The following CNTNAP2 variants were observed in gnomAD, a reference collection of about 807,000 sequenced individuals.
CNTNAP2 encodes the protein contactin-associated protein-like 2.
A neutral mutation model predicts 155.2 loss-of-function variants in CNTNAP2; 98 were observed. The ratio of observed to expected loss-of-function variants is 0.63; its 90% CI spans 0.54 to 0.75. The LOEUF is 0.75. Ranked by LOEUF, CNTNAP2 falls within the 30% of genes least tolerant of loss-of-function variation. The probability of loss-of-function intolerance (pLI) is 0.00; values close to 1 mark genes in which losing one functional copy is unlikely to be tolerated. For synonymous variants in CNTNAP2, 651 were observed against 631.2 expected, an observed-to-expected ratio of 1.03 and a Z score of -0.47; for missense variants, 1,727 against 1,688.1, an observed-to-expected ratio of 1.02 and a Z score of -0.40.
At chr7:146,872,711 T>C (rs1468235033) in intron 3 of CNTNAP2, among the ~76,000 whole-genome samples, 7 of 152,194 alleles carry the variant, frequency 4.6e-5, no homozygotes, top group African/African-American at 1.7e-4. Context: ...TAGGAGATAA[T>C]AGCTAGAAGG....
intron 1 of CNTNAP2, among the ~76,000 whole-genome samples, chr7:146,279,928 T>TATATACA (rs1360911556): frequency 4.6e-5 from 7 of 151,598 alleles, no homozygotes; most frequent in African/African-American, 1.7e-4. Flanking sequence ...TACTAATAAG[T>TATATACA]GAAAGGAACT....
chr7:146,963,458 T>C (rs2129231043), intron 3 of CNTNAP2, among the ~76,000 whole-genome samples: 1 of 152,326 alleles, frequency 6.6e-6, no homozygotes, highest in African/African-American at 2.4e-5. Flanking sequence ...AAATGTGTTT[T>C]CATATTGTGC....
chr7:147,943,296 G>A (rs1003417815), intron 14 of CNTNAP2, among the ~76,000 whole-genome samples: 9 of 152,056 alleles, frequency 5.9e-5, no homozygotes, highest in Admixed American at 5.9e-4. Context: ...CGGCATTTTT[G>A]TGTAAAGTTT....
At chr7:146,330,008 C>CTTTT (rs1294271211) in intron 1 of CNTNAP2, among the ~76,000 whole-genome samples, 10 of 103,252 alleles carry the variant, frequency 9.7e-5, no homozygotes, top group African/African-American at 4.1e-4. Context: ...TCAACAAGTA[C>CTTTT]TTTCTTTTTT....
At chr7:147,853,385 A>G (rs567104545) in intron 13 of CNTNAP2, among the ~76,000 whole-genome samples, 13 of 152,320 alleles carry the variant, frequency 8.5e-5, no homozygotes, top group Admixed American at 3.9e-4. Context: ...ACCCATTTGT[A>G]CATTAGTAGA....
At chr7:146,549,767 A>G (rs115548664) in intron 1 of CNTNAP2, among the ~76,000 whole-genome samples, 3,265 of 152,154 alleles carry the variant, frequency 0.021, 137 homozygotes, top group African/African-American at 0.073. Flanking sequence ...AGAAAGAGTA[A>G]AAGATTGAAA....
Position 146,696,662 on chromosome 7 carries a change from C to G in CNTNAP2, c.98-77609C>G, listed in dbSNP as rs1360960080. 8.5e-5 allele frequency among the ~76,000 whole-genome samples: 13 copies of G among 152,132 alleles called. No individual in the cohort carries two copies. The East Asian group carries it at 2.5e-3, about 29-fold the overall frequency. ...TTTCTAATACATGCATTCAGTGCTA[C>G]AAATTTCTCTCTCATCACTGGTTTT... On this transcript the variant is annotated intron_variant, in intron 1 of 23. Coordinates refer to ENST00000361727, the MANE Select transcript of CNTNAP2 (RefSeq NM_014141.6).
chr7:147,505,281 CA>C (rs1199988288), intron 11 of CNTNAP2, among the ~76,000 whole-genome samples: 7 of 151,762 alleles, frequency 4.6e-5, no homozygotes, highest in Admixed American at 4.6e-4. Context: ...TTGCCCAGTG[CA>C]AAATGACTAA....
chr7:148,253,249 T>C (rs554054059), intron 20 of CNTNAP2, among the ~76,000 whole-genome samples: 42 of 152,278 alleles, frequency 2.8e-4, no homozygotes, highest in South Asian at 6.2e-4. Flanking sequence ...TCTACCATTT[T>C]TTTTCCAAAA....
At chr7:147,710,977 C>G (rs765385780) in intron 13 of CNTNAP2, among the ~76,000 whole-genome samples, 1 of 152,100 alleles carries the variant, frequency 6.6e-6, no homozygotes, top group Non-Finnish European at 1.5e-5. Flanking sequence ...CATTGTTACT[C>G]GAAGCTGTTG....
At position 147,629,825 on chromosome 7, in the gene CNTNAP2, G is replaced by A. The variant is rs577774157; in HGVS notation, c.1898-9281G>A. ...AAAACCTCTGGCATACAGCAAAAGT[G>A]GTGCTGAGAGGAAAATTCATAGCAT... On this transcript the variant is annotated intron_variant, in intron 12 of 23. Coordinates refer to ENST00000361727, the MANE Select transcript of CNTNAP2 (RefSeq NM_014141.6). 2.0e-5 allele frequency among the ~76,000 whole-genome samples: 3 copies of A among 152,158 alleles called. No homozygotes were observed. In the South Asian group the frequency reaches 6.2e-4, roughly 32 times the overall value.
At chr7:147,832,131 T>C (rs1798556584) in intron 13 of CNTNAP2, among the ~76,000 whole-genome samples, 1 of 147,482 alleles carries the variant, frequency 6.8e-6, no homozygotes, top group Non-Finnish European at 1.5e-5. Flanking sequence ...ACAATTATAT[T>C]TTTATATTTT....
chr7:147,907,356 A>G (rs904477250), intron 14 of CNTNAP2, among the ~76,000 whole-genome samples: 1 of 152,150 alleles, frequency 6.6e-6, no homozygotes, highest in Non-Finnish European at 1.5e-5. Flanking sequence ...GCGCCCAGCC[A>G]TGAATGTTTT....
intron 8 of CNTNAP2, among the ~76,000 whole-genome samples, chr7:147,153,805 A>G (rs553313549): frequency 3.1e-4 from 47 of 152,300 alleles, no homozygotes; most frequent in Non-Finnish European, 5.7e-4. Context: ...GTAAAAGGTC[A>G]TTCTGACTCT....
chr7:146,649,976 C>T (rs942728512), intron 1 of CNTNAP2, among the ~76,000 whole-genome samples: 1 of 152,068 alleles, frequency 6.6e-6, no homozygotes, highest in African/African-American at 2.4e-5. Context: ...CCATCTCATG[C>T]CAGTTAGAAT....
intron 9 of CNTNAP2, among the ~76,000 whole-genome samples, chr7:147,377,844 G>A (rs1796463983): frequency 6.6e-6 from 1 of 151,736 alleles, no homozygotes; most frequent in Admixed American, 6.6e-5. Flanking sequence ...CTACTTTTAT[G>A]TTCCGTGGTA....
intron 13 of CNTNAP2, among the ~76,000 whole-genome samples, chr7:147,712,390 G>T (rs1001516742): frequency 8.5e-5 from 13 of 152,146 alleles, no homozygotes; most frequent in Admixed American, 1.3e-4. Flanking sequence ...GCCATCCCAT[G>T]ACTGGACATA....
intron 13 of CNTNAP2, among the ~76,000 whole-genome samples, chr7:147,744,038 T>G (rs888443416): frequency 6.6e-6 from 1 of 152,228 alleles, no homozygotes; most frequent in Admixed American, 6.5e-5. Flanking sequence ...AAAAGATTAT[T>G]TTGAATATTA....
At chr7:146,506,098 A>T (rs553998563) in intron 1 of CNTNAP2, among the ~76,000 whole-genome samples, 1 of 152,350 alleles carries the variant, frequency 6.6e-6, no homozygotes, top group Admixed American at 6.5e-5. Context: ...TTCAACAGTC[A>T]GGGGATGACT....
Sources: allele counts gnomAD v4.1 joint callset (sites outside exome capture counted in the v4.1 genomes callset), GRCh38; gene constraint gnomAD v4.1.1; transcripts MANE v1.5; gene names NCBI Gene and HGNC (gene_info 2026-07-23, HGNC 2026-07-21).